Variants in DLG2 observed in about 807,000 individuals in gnomAD.
DLG2 encodes the protein discs large MAGUK scaffold protein 2, also known as disks large homolog 2.
A neutral mutation model predicts 132.5 loss-of-function variants in DLG2; 45 were observed. That is an observed-to-expected ratio of 0.34 (90% CI 0.27 to 0.44). The LOEUF is 0.44. DLG2 is among the 20% of genes least tolerant of loss of function. The pLI is 1.00. For synonymous variants in DLG2, 424 were observed against 419.6 expected (o/e 1.01, Z -0.13); for missense variants, 1,045 against 1,196.9 (o/e 0.87, Z 1.87).
At chr11:83,491,486 TC>T (rs1213473282) in intron 21 of DLG2, among the ~76,000 whole-genome samples, 1 of 151,980 alleles carries the variant, frequency 6.6e-6, no homozygotes, top group African/African-American at 2.4e-5. Context: ...GTTTTATTTT[TC>T]CCCCATTTAT....
intron 6 of DLG2, among the ~76,000 whole-genome samples, chr11:85,082,677 A>T (rs901902790): frequency 6.6e-6 from 1 of 151,100 alleles, no homozygotes; most frequent in Non-Finnish European, 1.5e-5. Flanking sequence ...TAAAAAAACA[A>T]TTTTTTTGAG....
intron 3 of DLG2, among the ~76,000 whole-genome samples, chr11:85,582,638 A>G (rs1391349462): frequency 7.9e-6 from 1 of 126,648 alleles, no homozygotes; most frequent in African/African-American, 3.0e-5. Context: ...AGCCTGGGCA[A>G]CATGGTGAAA....
chr11:84,288,554 T>C (rs1444099054), intron 7 of DLG2, among the ~76,000 whole-genome samples: 1 of 152,096 alleles, frequency 6.6e-6, no homozygotes, highest in Non-Finnish European at 1.5e-5. Flanking sequence ...ACTTCTAAGA[T>C]AGAATAAGAT....
chr11:83,617,166 C>T (rs1455339640), intron 19 of DLG2, among the ~76,000 whole-genome samples: 1 of 152,160 alleles, frequency 6.6e-6, no homozygotes, highest in Non-Finnish European at 1.5e-5. Context: ...TCTAATCTAT[C>T]ACCATCACCA....
intron 6 of DLG2, among the ~76,000 whole-genome samples, chr11:84,707,925 T>C (rs2059950296): frequency 6.6e-6 from 1 of 151,748 alleles, no homozygotes; most frequent in Admixed American, 6.6e-5. Context: ...CCCCGGAAAA[T>C]GCTCAAAGAG....
At chr11:83,790,517 A>T in intron 17 of DLG2, 2 of 1,271,924 alleles carry the variant, frequency 1.6e-6, no homozygotes, top group East Asian at 2.3e-5. Flanking sequence ...AAACTCTTGC[A>T]ACACCAGGAG....
intron 18 of DLG2, among the ~76,000 whole-genome samples, chr11:83,666,172 T>C (rs1850914751): frequency 6.6e-6 from 1 of 152,248 alleles, no homozygotes; most frequent in African/African-American, 2.4e-5. Flanking sequence ...AGTTATAAAA[T>C]AAATTTATAA....
At chr11:84,442,183 G>A (rs2099019260) in intron 7 of DLG2, among the ~76,000 whole-genome samples, 1 of 152,090 alleles carries the variant, frequency 6.6e-6, no homozygotes, top group African/African-American at 2.4e-5. Flanking sequence ...GATGGGGATA[G>A]CATTGAATCT....
intron 11 of DLG2, among the ~76,000 whole-genome samples, chr11:84,027,578 CATG>C (rs2154084820): frequency 6.6e-6 from 1 of 152,088 alleles, no homozygotes; most frequent in South Asian, 2.1e-4. Context: ...CAACTTTAAA[CATG>C]AAAGTGTTAT....
chr11:83,999,558 G>A (rs779815665), intron 11 of DLG2, among the ~76,000 whole-genome samples: 1 of 151,986 alleles, frequency 6.6e-6, no homozygotes, highest in Non-Finnish European at 1.5e-5. Flanking sequence ...CCAAGAATTG[G>A]CCCACCTAGA....
At chr11:84,256,156 C>T (rs1249813103) in intron 7 of DLG2, among the ~76,000 whole-genome samples, 2 of 151,380 alleles carry the variant, frequency 1.3e-5, no homozygotes, top group African/African-American at 4.9e-5. Flanking sequence ...TTCCAAGAGA[C>T]TCTAAATAAA....
chr11:83,790,320 A>T, intron 17 of DLG2: 1 of 891,008 alleles, frequency 1.1e-6, no homozygotes, highest in Non-Finnish European at 1.8e-6. Flanking sequence ...CGAAAGCTCA[A>T]GCTTAAAAGG....
chr11:83,614,311 T>G (rs2060499336), intron 19 of DLG2, among the ~76,000 whole-genome samples: 1 of 152,234 alleles, frequency 6.6e-6, no homozygotes, highest in African/African-American at 2.4e-5. Context: ...TGAAAAAGTT[T>G]GAGGTCGAGT....
chr11:83,665,464 G>C (rs748600644), intron 18 of DLG2, among the ~76,000 whole-genome samples: 1 of 152,154 alleles, frequency 6.6e-6, no homozygotes, highest in African/African-American at 2.4e-5. Flanking sequence ...GCAATATAGA[G>C]TACAAATGGG....
At chr11:83,754,056 G>A (rs994314058) in intron 18 of DLG2, among the ~76,000 whole-genome samples, 3 of 149,604 alleles carry the variant, frequency 2.0e-5, no homozygotes, top group Admixed American at 6.6e-5. Flanking sequence ...CATAAACAAT[G>A]CTTTTGCCCT....
chr11:85,437,169 G>C (rs2091529473), intron 3 of DLG2, among the ~76,000 whole-genome samples: 1 of 152,096 alleles, frequency 6.6e-6, no homozygotes, highest in Non-Finnish European at 1.5e-5. Flanking sequence ...TGCAAGGGGA[G>C]GGAGAGCATC....
chr11:84,871,955 G>A (rs538948406), intron 6 of DLG2, among the ~76,000 whole-genome samples: 145 of 152,270 alleles, frequency 9.5e-4, no homozygotes, highest in African/African-American at 2.8e-3. Context: ...GATTTCAAGC[G>A]TGAGCCACCA....
chr11:84,436,866 G>A (rs972608751), intron 7 of DLG2, among the ~76,000 whole-genome samples: 3 of 152,120 alleles, frequency 2.0e-5, no homozygotes, highest in Non-Finnish European at 2.9e-5. Flanking sequence ...TGAAACGATG[G>A]CTTAGTGATA....
At chr11:84,968,508 C>A (rs183610576) in intron 6 of DLG2, among the ~76,000 whole-genome samples, 2 of 152,138 alleles carry the variant, frequency 1.3e-5, no homozygotes, top group Admixed American at 6.6e-5. Context: ...GAACTCCAAT[C>A]CAGAATGAGC....
Sources: allele counts gnomAD v4.1 joint callset (sites outside exome capture counted in the v4.1 genomes callset), GRCh38; gene constraint gnomAD v4.1.1; transcripts MANE v1.5; gene names NCBI Gene and HGNC (gene_info 2026-07-23, HGNC 2026-07-21).